Variants in PCGF6 observed in about 807,000 individuals in gnomAD.
The protein encoded by PCGF6 is polycomb group RING finger protein 6.
A neutral mutation model predicts 45.5 loss-of-function variants in PCGF6; 24 were observed. The ratio of observed to expected loss-of-function variants is 0.53; its 90% confidence interval spans 0.38 to 0.74. The LOEUF (loss-of-function observed/expected upper bound fraction) is 0.74, where lower values mean the gene tolerates loss of function less well. Ranked by LOEUF, PCGF6 falls within the 30% of genes least tolerant of loss-of-function variation. The pLI is 0.00. For synonymous variants in PCGF6, 152 were observed against 162.1 expected, an observed-to-expected ratio of 0.94 and a Z score of 0.47; for missense variants, 356 against 443.2, an observed-to-expected ratio of 0.80 and a Z score of 1.77.
At chr10:103,349,398 G>A (rs1213706992) in intron 1 of PCGF6, among the ~76,000 whole-genome samples, 1 of 150,576 alleles carries the variant, frequency 6.6e-6, no homozygotes, top group Non-Finnish European at 1.5e-5. Flanking sequence ...TTGCAACATG[G>A]AAACATACAC....
chr10:103,350,577 G>T, intron 1 of PCGF6, 130 bp downstream of exon 1: 1 of 914,234 alleles, frequency 1.1e-6, no homozygotes, highest in Non-Finnish European at 1.5e-6. Flanking sequence ...GGCAGAGGTC[G>T]GGGGAGGTCC....
chr10:103,305,734 T>C (rs370168918), intron 9 of PCGF6, among the ~76,000 whole-genome samples: 4 of 151,944 alleles, frequency 2.6e-5, no homozygotes, highest in African/African-American at 9.7e-5. Flanking sequence ...CTAAAATATA[T>C]ATGTTTTACT....
intron 8 of PCGF6, among the ~76,000 whole-genome samples, chr10:103,319,354 T>C (rs1209401433): frequency 1.3e-5 from 2 of 152,242 alleles, no homozygotes; most frequent in South Asian, 2.1e-4. Context: ...GGTTTCACCA[T>C]GTTGGCCAGG....
intron 8 of PCGF6, among the ~76,000 whole-genome samples, chr10:103,321,589 G>A (rs963250708): frequency 5.9e-5 from 9 of 152,160 alleles, no homozygotes; most frequent in Admixed American, 3.9e-4. Context: ...GTGGGTGCCT[G>A]TAGTCGCAGC....
intron 8 of PCGF6, among the ~76,000 whole-genome samples, chr10:103,315,147 G>A (rs964986890): frequency 6.6e-6 from 1 of 151,978 alleles, no homozygotes; most frequent in African/African-American, 2.4e-5. Flanking sequence ...ATTTCAACAA[G>A]GACTTTTCAG....
At chr10:103,340,295 C>T (rs754524947) in intron 6 of PCGF6, among the ~76,000 whole-genome samples, 6 of 149,842 alleles carry the variant, frequency 4.0e-5, no homozygotes, top group South Asian at 2.1e-4. Context: ...AGCAGAGCTA[C>T]GACTTAAATC....
chr10:103,320,968 T>C (rs979141746), intron 8 of PCGF6, among the ~76,000 whole-genome samples: 2 of 152,178 alleles, frequency 1.3e-5, no homozygotes, highest in Admixed American at 6.5e-5. Context: ...TTTGTTCATA[T>C]TAGAAGTAAC....
intron 6 of PCGF6, among the ~76,000 whole-genome samples, chr10:103,344,581 A>C (rs1036405183): frequency 1.3e-4 from 16 of 123,022 alleles, no homozygotes; most frequent in African/African-American, 5.1e-4. Context: ...TTTTTTTTTG[A>C]GATGGAGTTT....
intron 6 of PCGF6, among the ~76,000 whole-genome samples, chr10:103,342,936 G>C (rs1281363157): frequency 6.6e-6 from 1 of 151,972 alleles, no homozygotes; most frequent in African/African-American, 2.4e-5. Flanking sequence ...GCCTTTTAGG[G>C]GTTCTTTTCT....
chr10:103,325,826 C>T (rs1208376893), intron 8 of PCGF6, among the ~76,000 whole-genome samples: 1 of 147,822 alleles, frequency 6.8e-6, no homozygotes, highest in Non-Finnish European at 1.5e-5. Flanking sequence ...TGAGACCAGC[C>T]TGGACAAAAG....
rs533479879 is a variant in PCGF6, at chr10:103,342,530, G to A, written c.782+2494C>T. On this transcript the variant is annotated intron_variant, in intron 6 of 9. Transcript: ENST00000369847. Reference sequence around the variant, plus strand: ...ATTACAGGTGTGAGCCACCATGCCTGGCCAAGATTTTCTTATATGGCCTTT... The same window carrying A: ...ATTACAGGTGTGAGCCACCATGCCTAGCCAAGATTTTCTTATATGGCCTTT... 2.0e-5 allele frequency among the ~76,000 whole-genome samples: 3 copies of A among 152,196 alleles called. No homozygotes were observed. In the South Asian group the frequency reaches 6.2e-4, roughly 32 times the overall value.
At chr10:103,338,574 C>T (rs1258318840) in intron 6 of PCGF6, among the ~76,000 whole-genome samples, 1 of 148,374 alleles carries the variant, frequency 6.7e-6, no homozygotes, top group African/African-American at 2.5e-5. Flanking sequence ...GACCATAAAA[C>T]ACACATACCC....
At chr10:103,329,891 G>C (rs560337971) in intron 7 of PCGF6, among the ~76,000 whole-genome samples, 1 of 152,036 alleles carries the variant, frequency 6.6e-6, no homozygotes, top group East Asian at 1.9e-4. Context: ...CCATTCTCCT[G>C]CCTCAGCCTC....
At chr10:103,345,718 T>C (rs934514737) in intron 5 of PCGF6, among the ~76,000 whole-genome samples, 5 of 150,668 alleles carry the variant, frequency 3.3e-5, no homozygotes, top group African/African-American at 1.2e-4. Context: ...ATCCCAGCTA[T>C]TTGGGAGGCT....
At chr10:103,333,989 C>A (rs755512294) in intron 6 of PCGF6, 37 bp from the exon 7 acceptor site, 2 of 1,375,540 alleles carry the variant, frequency 1.5e-6, no homozygotes, top group Non-Finnish European at 2.0e-6. Context: ...ATATTTAATA[C>A]TTTAAGCTAT....
chr10:103,330,698 C>A (rs527754358), intron 7 of PCGF6, among the ~76,000 whole-genome samples: 3 of 152,160 alleles, frequency 2.0e-5, no homozygotes, highest in Non-Finnish European at 4.4e-5. Flanking sequence ...GAGGCCAAGG[C>A]GGGTGGATCA....
rs1419403737 is a variant in PCGF6, at chr10:103,331,962, T to C, written c.810+1963A>G. On this transcript the variant is annotated intron_variant, in intron 7 of 9. Transcript: ENST00000369847. Reference sequence around the variant, plus strand: ...CACGCGCCACCGCGCCTGGCTAATTTTTTTTGTATTTTTAGTAGAGATGGG... The same window carrying C: ...CACGCGCCACCGCGCCTGGCTAATTCTTTTTGTATTTTTAGTAGAGATGGG... Among the ~76,000 whole-genome samples, 4 of 152,006 alleles carry C rather than the reference T, an allele frequency of 2.6e-5. No homozygotes were observed. The East Asian group carries it at 7.7e-4, about 29-fold the overall frequency.
At chr10:103,319,167 C>T (rs1564726060) in intron 8 of PCGF6, among the ~76,000 whole-genome samples, 1 of 152,004 alleles carries the variant, frequency 6.6e-6, no homozygotes, top group Non-Finnish European at 1.5e-5. Context: ...CTCTTCTTTT[C>T]GAGATGGAGT....
rs571446385 is a variant in PCGF6, at chr10:103,303,766, A to T, written c.*139T>A. The T allele has an allele frequency of 2.6e-4, 184 of 701,576 alleles. No homozygotes were observed. The African/African-American group carries it at 2.7e-3, about 10-fold the overall frequency. The allele number at this position is 701,576 out of a possible 1,614,324, so 43.5% of individuals were successfully genotyped here. On this transcript the variant is annotated 3_prime_UTR_variant, in exon 10 of 10. Transcript: ENST00000369847. ...GTTCCAAGTTGTACTTATAAACGCT[A>T]TAATTCTTGGTGCTAAAAATAGGTA...
Sources: allele counts gnomAD v4.1 joint callset (sites outside exome capture counted in the v4.1 genomes callset), GRCh38; gene constraint gnomAD v4.1.1; transcripts MANE v1.5; gene names NCBI Gene and HGNC (gene_info 2026-07-23, HGNC 2026-07-21).